The following PPFIA2 variants were observed in gnomAD, a reference collection of about 807,000 sequenced individuals.
PPFIA2 encodes PPFI scaffold protein A2, also known as liprin-alpha-2.
Under a neutral mutation model 175.5 loss-of-function variants are expected in PPFIA2, and 46 were observed. The observed-to-expected ratio is 0.26, with a 90% CI of 0.21 to 0.34. The LOEUF is 0.34. Among genes scored for constraint, PPFIA2 ranks in the 10% least tolerant of loss-of-function variants. The pLI, the probability that PPFIA2 is intolerant of heterozygous loss-of-function variation, is 1.00. For missense variants in PPFIA2, 1,179 were observed against 1,506.1 expected, an observed-to-expected ratio of 0.78 and a Z score of 3.60; for synonymous variants, 568 against 511.4, an observed-to-expected ratio of 1.11 and a Z score of -1.49.
chr12:81,626,082 C>G (rs979057502), intron 4 of PPFIA2, among the ~76,000 whole-genome samples: 1 of 151,476 alleles, frequency 6.6e-6, no homozygotes, highest in Non-Finnish European at 1.5e-5. Flanking sequence ...TTTGTTATTC[C>G]TTTTCTAAAT....
intron 8 of PPFIA2, among the ~76,000 whole-genome samples, chr12:81,388,070 C>A (rs553403094): frequency 7.2e-5 from 11 of 152,180 alleles, no homozygotes; most frequent in Middle Eastern, 6.8e-3. Flanking sequence ...ACCCAAAATA[C>A]AGGAGTTCTA....
chr12:81,386,726 G>A (rs1014723099), intron 8 of PPFIA2, among the ~76,000 whole-genome samples: 18 of 151,950 alleles, frequency 1.2e-4, no homozygotes, highest in Admixed American at 3.3e-4. Context: ...CAATTTGGGA[G>A]AAATAACTAA....
intron 21 of PPFIA2, among the ~76,000 whole-genome samples, chr12:81,329,085 T>G (rs2055519043): frequency 6.6e-6 from 1 of 152,102 alleles, no homozygotes; most frequent in Non-Finnish European, 1.5e-5. Flanking sequence ...ATTACAGATG[T>G]GAGCCACCAT....
chr12:81,534,300 A>G (rs965856085), intron 4 of PPFIA2, among the ~76,000 whole-genome samples: 3 of 151,644 alleles, frequency 2.0e-5, no homozygotes, highest in Non-Finnish European at 4.4e-5. Context: ...AAAATTTATC[A>G]TATATTTCAA....
intron 7 of PPFIA2, among the ~76,000 whole-genome samples, chr12:81,417,898 C>T (rs1448271076): frequency 2.6e-5 from 4 of 151,658 alleles, no homozygotes; most frequent in African/African-American, 9.7e-5. Flanking sequence ...GGACACTCTG[C>T]CTCCCTAAAT....
intron 24 of PPFIA2, among the ~76,000 whole-genome samples, chr12:81,290,626 T>A (rs1395658703): frequency 6.6e-6 from 1 of 151,604 alleles, no homozygotes; most frequent in Non-Finnish European, 1.5e-5. Flanking sequence ...AGAAAATTAA[T>A]ATAAATACCA....
intron 22 of PPFIA2, among the ~76,000 whole-genome samples, chr12:81,320,355 G>A (rs2053396580): frequency 6.6e-6 from 1 of 151,994 alleles, no homozygotes; most frequent in Non-Finnish European, 1.5e-5. Flanking sequence ...AAGTGTGACT[G>A]CTTTGCTCCA....
intron 4 of PPFIA2, chr12:81,512,438 T>A (rs2061916667): frequency 1.1e-6 from 1 of 881,702 alleles, no homozygotes. Flanking sequence ...TTTTCTTTAA[T>A]CTAAATTCTA....
chr12:81,720,462 T>C (rs2079168522), intron 3 of PPFIA2, among the ~76,000 whole-genome samples: 1 of 151,434 alleles, frequency 6.6e-6, no homozygotes, highest in Non-Finnish European at 1.5e-5. Context: ...TCTGTCACTT[T>C]CCCTGGTTTC....
intron 28 of PPFIA2, among the ~76,000 whole-genome samples, chr12:81,276,169 ACAAAGT>A (rs1448892359): frequency 6.6e-6 from 1 of 152,202 alleles, no homozygotes; most frequent in Non-Finnish European, 1.5e-5. Flanking sequence ...CAATTCAGAA[ACAAAGT>A]CAAATACCTC....
chr12:81,441,786 G>A (rs1023689537), intron 6 of PPFIA2, among the ~76,000 whole-genome samples: 1 of 151,970 alleles, frequency 6.6e-6, no homozygotes, highest in African/African-American at 2.4e-5. Flanking sequence ...TGTAAAATAC[G>A]GGTGTCCTGA....
At chr12:81,444,591 T>C (rs1443842297) in intron 6 of PPFIA2, among the ~76,000 whole-genome samples, 1 of 152,146 alleles carries the variant, frequency 6.6e-6, no homozygotes, top group African/African-American at 2.4e-5. Context: ...CTTAATACTC[T>C]AGAAGACAGA....
chr12:81,486,024 C>A (rs2058770277), intron 4 of PPFIA2, among the ~76,000 whole-genome samples: 1 of 151,834 alleles, frequency 6.6e-6, no homozygotes, highest in African/African-American at 2.4e-5. Context: ...GCTCATTGTA[C>A]ACAATCTCTG....
At chr12:81,315,386 A>G (rs575057654) in intron 22 of PPFIA2, among the ~76,000 whole-genome samples, 85 of 151,970 alleles carry the variant, frequency 5.6e-4, no homozygotes, top group African/African-American at 2.0e-3. Context: ...AAGTGGAGTG[A>G]AGAAATTTAA....
At chr12:81,668,246 T>C (rs2070736946) in intron 4 of PPFIA2, among the ~76,000 whole-genome samples, 1 of 152,076 alleles carries the variant, frequency 6.6e-6, no homozygotes, top group African/African-American at 2.4e-5. Context: ...AAGGGTTCTA[T>C]TATCCTTCTA....
rs141474237 is a variant in PPFIA2 at position 81,294,439 on chromosome 12, T to TAGGAAGGAAGGAAGGAAGGAAGGAAGGA, written c.2925+368_2925+395dup. 5.1e-4 allele frequency: 59 copies of TAGGAAGGAAGGAAGGAAGGAAGGAAGGA among 116,702 alleles called. 2 individuals carry two copies. The highest frequency in any genetic ancestry group is 1.6e-3 in the African/African-American group (39 of 24,234). 7.2% of individuals were successfully genotyped at this position (116,702 alleles called of 1,614,324 possible). A position where few individuals can be genotyped will look rare whatever the true frequency, so the allele number is the denominator to read the frequency against. On this transcript the variant is annotated intron_variant, in intron 24 of 32. Coordinates refer to ENST00000549396, the MANE Select transcript of PPFIA2 (RefSeq NM_003625.5). ...AAGGGAAGGAAGGAAGGAAGGTAGG[T>TAGGAAGGAAGGAAGGAAGGAAGGAAGGA]AGGAAGGAAGGAAGGAAGGAAGGAA...
intron 3 of PPFIA2, among the ~76,000 whole-genome samples, chr12:81,689,918 T>C (rs1207042873): frequency 6.6e-6 from 1 of 152,128 alleles, no homozygotes; most frequent in Non-Finnish European, 1.5e-5. Context: ...GATATTTCTT[T>C]TGTTTGAGAG....
Position 81,269,328 on chromosome 12 carries a change from T to A in PPFIA2, c.3311-1241A>T, listed in dbSNP as rs193187709. Reference sequence around the variant, plus strand: ...AAGGGAAAGGAAACTATAATTACTATTAAAGTAAAAGTAAGTTTTCCTGTC... The same window carrying A: ...AAGGGAAAGGAAACTATAATTACTAATAAAGTAAAAGTAAGTTTTCCTGTC... On this transcript the variant is annotated intron_variant, in intron 28 of 32. Coordinates refer to ENST00000549396, the MANE Select transcript of PPFIA2 (RefSeq NM_003625.5). Among the ~76,000 whole-genome samples the A allele has an allele frequency of 3.2e-3, 491 of 152,312 alleles. 2 individuals carry two copies. Among genetic ancestry groups the A allele is most frequent in the Middle Eastern group, 6.8e-3 (2 of 292 alleles).
At chr12:81,736,355 T>C (rs2081576012) in intron 3 of PPFIA2, among the ~76,000 whole-genome samples, 2 of 152,042 alleles carry the variant, frequency 1.3e-5, no homozygotes, top group South Asian at 2.1e-4. Flanking sequence ...CATTCTTCGA[T>C]ACTGTACCAA....
Sources: gnomAD v4.1 joint callset for allele counts (sites outside exome capture counted in the v4.1 genomes callset) on GRCh38, gnomAD v4.1.1 for gene constraint, MANE v1.5 for transcripts, NCBI Gene and HGNC (gene_info 2026-07-23, HGNC 2026-07-21) for gene names.